Variants in C3orf49 observed in about 807,000 individuals in gnomAD.
The protein encoded by C3orf49 is putative uncharacterized protein C3orf49.
C3orf49 carries 27 observed loss-of-function variants against 13.3 expected under a neutral mutation model. That is an observed-to-expected ratio of 2.02 (90% CI 1.49 to 2.79). The LOEUF is 2.79. Among genes scored for constraint, C3orf49 ranks in the 30% most tolerant of loss-of-function variants. The pLI is 0.00. For missense variants in C3orf49, 242 were observed against 134.2 expected, an observed-to-expected ratio of 1.80 and a Z score of -3.97; for synonymous variants, 87 against 47.6, an observed-to-expected ratio of 1.83 and a Z score of -3.40.
At chr3:63,789,834 A>G in the C3orf49 span, among the ~76,000 whole-genome samples, 17 of 150,410 alleles carry the variant, frequency 1.1e-4, no homozygotes, top group Non-Finnish European at 7.4e-5. Flanking sequence ...AAAAAAAAAA[A>G]GGAAGTACAA....
chr3:63,790,411 G>A, the C3orf49 span, among the ~76,000 whole-genome samples: 2 of 152,144 alleles, frequency 1.3e-5, no homozygotes, highest in African/African-American at 2.4e-5. Flanking sequence ...GTTCTTTTAA[G>A]GCGATTTTCA....
intron 5 of C3orf49, among the ~76,000 whole-genome samples, chr3:63,839,974 T>C (rs902263305): frequency 5.9e-5 from 9 of 152,104 alleles, no homozygotes; most frequent in African/African-American, 2.2e-4. Context: ...TTGTATATAA[T>C]AAAAAATATT....
intron 6 of C3orf49, among the ~76,000 whole-genome samples, chr3:63,846,599 G>A (rs975050211): frequency 2.0e-5 from 3 of 151,988 alleles, no homozygotes; most frequent in African/African-American, 7.3e-5. Context: ...TAGTAGAGAC[G>A]TGGTTTTACC....
intron 5 of C3orf49, chr3:63,834,221 A>G (rs1271667561): frequency 1.5e-5 from 24 of 1,612,584 alleles, no homozygotes; most frequent in Non-Finnish European, 1.9e-5. Flanking sequence ...AAGGAAACAT[A>G]AAACCTTAGT....
At chr3:63,835,091 G>A in intron 5 of C3orf49, 2 of 1,499,050 alleles carry the variant, frequency 1.3e-6, no homozygotes, top group Non-Finnish European at 1.8e-6. Context: ...ATTTCAAAAG[G>A]TACATCCCTG....
chr3:63,804,157 T>C, the C3orf49 span, among the ~76,000 whole-genome samples: 2 of 152,164 alleles, frequency 1.3e-5, no homozygotes, highest in African/African-American at 4.8e-5. Flanking sequence ...GCTTGCTTGC[T>C]TGCCACCCAC....
At chr3:63,805,913 A>G in the C3orf49 span, among the ~76,000 whole-genome samples, 1 of 152,230 alleles carries the variant, frequency 6.6e-6, no homozygotes, top group African/African-American at 2.4e-5. Flanking sequence ...ACTGTCTCCC[A>G]GCAAGGGCTG....
At chr3:63,841,366 G>T (rs1046404237) in intron 5 of C3orf49, among the ~76,000 whole-genome samples, 1 of 152,104 alleles carries the variant, frequency 6.6e-6, no homozygotes, top group Non-Finnish European at 1.5e-5. Context: ...GTAGAATTTG[G>T]GGGGTTTTCT....
chr3:63,800,163 G>A, the C3orf49 span, among the ~76,000 whole-genome samples: 2 of 152,064 alleles, frequency 1.3e-5, no homozygotes, highest in African/African-American at 4.8e-5. Context: ...TGCCTCCATG[G>A]CTTTATATTT....
intron 6 of C3orf49, among the ~76,000 whole-genome samples, chr3:63,847,003 A>T (rs1701911811): frequency 1.3e-5 from 2 of 152,140 alleles, no homozygotes; most frequent in Admixed American, 1.3e-4. Flanking sequence ...CAATCCCTAA[A>T]ACAGCAGTTT....
intron 5 of C3orf49, chr3:63,838,430 T>C: frequency 3.1e-6 from 5 of 1,605,598 alleles, no homozygotes; most frequent in Non-Finnish European, 4.3e-6. Flanking sequence ...TATCATATAC[T>C]AGTAAAGTTT....
the C3orf49 span, among the ~76,000 whole-genome samples, chr3:63,810,571 G>T: frequency 2.0e-5 from 3 of 152,152 alleles, no homozygotes; most frequent in African/African-American, 7.2e-5. Flanking sequence ...GCTACTACAT[G>T]TCATTTTGTT....
intron 5 of C3orf49, chr3:63,837,892 A>AT (rs1468979407): frequency 9.5e-6 from 12 of 1,263,874 alleles, no homozygotes; most frequent in Non-Finnish European, 1.3e-5. Flanking sequence ...CAGGCTGCAG[A>AT]TTTTACCTCA....
intron 5 of C3orf49, among the ~76,000 whole-genome samples, chr3:63,839,233 T>C (rs1466295007): frequency 1.3e-5 from 2 of 152,012 alleles, no homozygotes; most frequent in South Asian, 2.1e-4. Context: ...GTGTATCAGG[T>C]TGGTACAAAA....
chr3:63,807,813 C>T, the C3orf49 span, among the ~76,000 whole-genome samples: 1 of 143,294 alleles, frequency 7.0e-6, no homozygotes, highest in South Asian at 2.2e-4. Context: ...GCCCAGCTCG[C>T]CCCATTGCAT....
chr3:63,820,764 C>T (rs777490162), intron 1 of C3orf49, among the ~76,000 whole-genome samples: 1 of 152,068 alleles, frequency 6.6e-6, no homozygotes, highest in East Asian at 1.9e-4. Flanking sequence ...AATGGTGCTC[C>T]CTCCTCAGGA....
Position 63,832,472 on chromosome 3 carries a change from A to G in C3orf49, c.849+628A>G, listed in dbSNP as rs1034799725. ...CCAGGAGTTTGAGACCAGCTTGGGCAATATAGTGAGAATCTGTCACTACGA... is the reference window on the plus strand; with the variant it reads ...CCAGGAGTTTGAGACCAGCTTGGGCGATATAGTGAGAATCTGTCACTACGA... On this transcript the variant is annotated intron_variant, in intron 5 of 6. Coordinates refer to ENST00000295896, the MANE Select transcript of C3orf49 (RefSeq NM_001355236.2). Among the ~76,000 whole-genome samples, 5 of 151,986 alleles carry G rather than the reference A, an allele frequency of 3.3e-5. No individual in the cohort carries two copies. The East Asian group carries it at 9.7e-4, about 30-fold the overall frequency.
the C3orf49 span, among the ~76,000 whole-genome samples, chr3:63,810,210 T>A: frequency 9.2e-5 from 14 of 151,906 alleles, no homozygotes; most frequent in African/African-American, 3.4e-4. Flanking sequence ...AATGTCACTA[T>A]AGCAGAGAGG....
At chr3:63,829,923 G>A (rs1297556710) in intron 3 of C3orf49, among the ~76,000 whole-genome samples, 1 of 152,140 alleles carries the variant, frequency 6.6e-6, no homozygotes, top group East Asian at 1.9e-4. Context: ...CCATGATCAT[G>A]CCACTGCTCT....
Sources: gnomAD v4.1 joint callset for allele counts (sites outside exome capture counted in the v4.1 genomes callset) on GRCh38, gnomAD v4.1.1 for gene constraint, MANE v1.5 for transcripts, NCBI Gene and HGNC (gene_info 2026-07-23, HGNC 2026-07-21) for gene names.